Variants in ITGAD observed in about 807,000 individuals in gnomAD.
ITGAD encodes integrin alpha-D.
Under a neutral mutation model 139.0 loss-of-function variants are expected in ITGAD, and 105 were observed. The ratio of observed to expected loss-of-function variants is 0.76; its 90% confidence interval spans 0.65 to 0.89. The LOEUF is 0.89. ITGAD is among the 40% of genes least tolerant of loss of function. The pLI is 0.00. For missense variants in ITGAD, 1,384 were observed against 1,487.3 expected, an observed-to-expected ratio of 0.93 and a Z score of 1.14; for synonymous variants, 569 against 598.3, an observed-to-expected ratio of 0.95 and a Z score of 0.71.
rs373163507 is a variant in ITGAD, at chr16:31,397,546, C to G, written c.242-50C>G. 2.5e-6 allele frequency: 4 copies of G among 1,599,326 alleles called. No individual in the cohort carries two copies. The Admixed American group carries it at 5.1e-5, about 20-fold the overall frequency. The stretch of plus-strand genomic sequence containing the variant: ...CTTAGCTTCCAGTCCAGACCTTCCC[C>G]GCAAATGAGTGTGTGCTGTGAGTGA... On this transcript the variant is annotated intron_variant, in intron 3 of 29. Coordinates refer to ENST00000389202, the MANE Select transcript of ITGAD (RefSeq NM_005353.3).
At chr16:31,405,409 A>G (rs1435836833) in intron 7 of ITGAD, among the ~76,000 whole-genome samples, 1 of 152,204 alleles carries the variant, frequency 6.6e-6, no homozygotes, top group Non-Finnish European at 1.5e-5. Flanking sequence ...ACTTTTTTTA[A>G]AAGAAGTATT....
chr16:31,425,593 C>T lies in ITGAD; in HGVS notation c.3373-422C>T, dbSNP rs2082097512. 5.9e-5 allele frequency among the ~76,000 whole-genome samples: 9 copies of T among 152,126 alleles called. No individual in the cohort carries two copies. The South Asian group carries it at 1.9e-3, about 32-fold the overall frequency. On this transcript the variant is annotated intron_variant, in intron 29 of 29. Transcript: ENST00000389202. ...CGTAAGTTAGCTTAGTTGTTGCCTC[C>T]TCTTCTCTCTCAGCTTCCTCTTATT... is the stretch of plus-strand genomic sequence containing the variant.
Position 31,403,468 on chromosome 16 carries a change from G to A in ITGAD, c.559-32G>A. 1 of 1,612,860 alleles carries A rather than the reference G, an allele frequency of 6.2e-7. No homozygotes were observed. Among genetic ancestry groups the A allele is most frequent in the South Asian group, 1.1e-5 (1 of 90,976 alleles). ...AATAAAAACAATAGTAACAGGCACTGAGCCCTGGGCCCTCCCCACTGGCCT... is the reference window on the plus strand; with the variant it reads ...AATAAAAACAATAGTAACAGGCACTAAGCCCTGGGCCCTCCCCACTGGCCT... On this transcript the variant is annotated intron_variant, in intron 6 of 29. Coordinates refer to ENST00000389202, the MANE Select transcript of ITGAD (RefSeq NM_005353.3). The surrounding 1 kb of genome is among the most constrained non-coding windows in gnomAD (Gnocchi z 4.4).
intron 9 of ITGAD, 85 bp from the exon 10 acceptor site, chr16:31,408,340 C>A: frequency 1.7e-6 from 2 of 1,179,604 alleles, no homozygotes; most frequent in Non-Finnish European, 1.3e-6. Flanking sequence ...GGAACCCAAG[C>A]CTCAGATCAT....
intron 10 of ITGAD, among the ~76,000 whole-genome samples, chr16:31,410,062 G>A (rs113112952): frequency 0.012 from 1,863 of 152,232 alleles, 36 homozygotes; most frequent in African/African-American, 0.043. Flanking sequence ...GCTTTGATGG[G>A]GAAGGGTCCT....
At chr16:31,419,383 C>T (rs1044497116) in intron 23 of ITGAD, among the ~76,000 whole-genome samples, 13 of 152,158 alleles carry the variant, frequency 8.5e-5, no homozygotes, top group African/African-American at 3.1e-4. Context: ...CAATTGCCTA[C>T]AATATCCAGT....
chr16:31,416,496 C>G lies in ITGAD; in HGVS notation c.2358-9C>G. 6.2e-7 allele frequency: 1 copy of G among 1,604,668 alleles called. No individual in the cohort carries two copies. Among genetic ancestry groups the G allele is most frequent in the East Asian group, 2.2e-5 (1 of 44,564 alleles). On this transcript the variant is annotated splice_polypyrimidine_tract_variant and intron_variant, in intron 19 of 29. Transcript: ENST00000389202. ...GAGCGCCACTCCCAGCCTCGTCCTT[C>G]CCCTTCAGCCTGCAGACCCTGACCG...
chr16:31,406,224 G>A (rs1222289977), intron 7 of ITGAD, among the ~76,000 whole-genome samples: 2 of 152,048 alleles, frequency 1.3e-5, no homozygotes, highest in East Asian at 1.9e-4. Context: ...ACAGGCACGC[G>A]CCACCATACC....
intron 5 of ITGAD, 87 bp downstream of exon 5, chr16:31,397,996 T>A: frequency 9.8e-7 from 1 of 1,017,866 alleles, no homozygotes. Flanking sequence ...TGGGCCCCTG[T>A]GCCCTCCCTG....
chr16:31,404,540 G>C (rs1000180487), intron 7 of ITGAD: 9 of 152,292 alleles, frequency 5.9e-5, no homozygotes, highest in African/African-American at 2.2e-4. Flanking sequence ...TGTCCTGTAA[G>C]TTTAAAGTCA....
rs1484080634 is a variant in ITGAD, at chr16:31,397,443, C to T, written c.222C>T (p.Cys74=). ...ACTGCGCAGCTGCCACCGGCATGTG[C>T]CAGCCCATCCCGCTGCACAGTGAGT... is the stretch of plus-strand genomic sequence containing the variant. ...LYDCAAATGM[C]QPIPLHIRPE... Residue 74 remains cysteine, a synonymous_variant, in exon 3 of 30, where the codon TGC becomes TGT. Coordinates refer to ENST00000389202, the MANE Select transcript of ITGAD (RefSeq NM_005353.3). 4 of 1,596,620 alleles carry T rather than the reference C, an allele frequency of 2.5e-6. No homozygotes were observed. In the African/African-American group the frequency reaches 4.0e-5, roughly 16 times the overall value.
At chr16:31,414,642 G>C (rs1341133964) in intron 17 of ITGAD, 37 bp downstream of exon 17, 1 of 1,503,666 alleles carries the variant, frequency 6.7e-7, no homozygotes, top group South Asian at 1.1e-5. Flanking sequence ...GGAGAGAGGA[G>C]GAGCCCAAGG....
intron 2 of ITGAD, among the ~76,000 whole-genome samples, chr16:31,396,003 A>C (rs893338270): frequency 1.3e-5 from 2 of 152,096 alleles, no homozygotes; most frequent in Admixed American, 1.3e-4. Context: ...GAAAGACCCA[A>C]TCTGATAAAG....
intron 7 of ITGAD, among the ~76,000 whole-genome samples, chr16:31,406,415 T>C (rs59597897): frequency 0.014 from 2,202 of 152,222 alleles, 59 homozygotes; most frequent in African/African-American, 0.05. Flanking sequence ...GTTATCTAAT[T>C]AGTAGTCACC....
At chr16:31,412,767 T>G in intron 14 of ITGAD, 71 bp from the exon 15 acceptor site, 1 of 1,593,546 alleles carries the variant, frequency 6.3e-7, no homozygotes, top group Non-Finnish European at 8.6e-7. Context: ...ACCTCCATAT[T>G]CCCCTTGTTA....
chr16:31,413,381 C>A (rs183461639), intron 16 of ITGAD, 135 bp downstream of exon 16: 15 of 932,322 alleles, frequency 1.6e-5, no homozygotes, highest in Non-Finnish European at 2.2e-5. Context: ...AAACCTGGCT[C>A]ATTCTCTCCC....
rs77430224 is a variant in ITGAD, at chr16:31,423,465, C to T, written c.2967+6C>T. 38 of 1,611,776 alleles carry T rather than the reference C, an allele frequency of 2.4e-5. No homozygotes were observed. In the Middle Eastern group the frequency reaches 6.6e-4, roughly 28 times the overall value. ...TCATGGAGGCCCCATCTCAGGTACC[C>T]GCCTATCTCTCCTCTTTCTTCAGAC... On this transcript the variant is annotated splice_donor_region_variant and intron_variant, in intron 25 of 29. Transcript: ENST00000389202.
rs2081214183 is a variant in ITGAD, at chr16:31,394,339, T to G, written c.135T>G (p.Ser45=). The change falls in exon 2 of 30, where the codon TCT becomes TCG. Residue 45 remains serine (S), a splice_region_variant and synonymous_variant. Transcript: ENST00000389202. The part of the protein sequence containing the change: ...FGQSVVQFGG[S]RLVVGAPLEV... ...AGAGCGTGGTGCAGTTCGGTGGATCTCGGTAGGCCCCACTCACCCTCCTTC... is the reference window on the plus strand; with the variant it reads ...AGAGCGTGGTGCAGTTCGGTGGATCGCGGTAGGCCCCACTCACCCTCCTTC... The G allele has an allele frequency of 6.2e-7, 1 of 1,611,072 alleles. No individual in the cohort carries two copies. Among genetic ancestry groups the G allele is most frequent in the Non-Finnish European group, 8.5e-7 (1 of 1,177,764 alleles).
In ITGAD at chr16:31,397,062, G is replaced by GTTT. The variant is rs539015704; in HGVS notation, c.138-270_138-268dup. Among the ~76,000 whole-genome samples, 28 of 100,800 alleles carry GTTT rather than the reference G, an allele frequency of 2.8e-4. 1 individual carries two copies. The highest frequency in any genetic ancestry group is 5.9e-4 in the African/African-American group (12 of 20,438). The allele number at this position is 100,800 out of a possible 152,430, so 66.1% of individuals were successfully genotyped here. ...AAATGCCATTTTGGTCTTTAAATAG[G>GTTT]TTTTTTTTTTTTTTTTTTTTTTTTT... On this transcript the variant is annotated intron_variant, in intron 2 of 29. Coordinates refer to ENST00000389202, the MANE Select transcript of ITGAD (RefSeq NM_005353.3).
Sources: gnomAD v4.1 joint callset for allele counts (sites outside exome capture counted in the v4.1 genomes callset) on GRCh38, gnomAD v4.1.1 for gene constraint, Gnocchi (gnomAD v3.1) non-coding constraint, MANE v1.5 for transcripts, NCBI Gene and HGNC (gene_info 2026-07-23, HGNC 2026-07-21) for gene names.